STXBP5L: variants seen among roughly 807,000 people sequenced by gnomAD.
STXBP5L encodes syntaxin-binding protein 5-like.
STXBP5L carries 65 observed loss-of-function variants against 144.5 expected under a neutral mutation model. That is an observed-to-expected ratio of 0.45 (90% confidence interval 0.37 to 0.55). The LOEUF (loss-of-function observed/expected upper bound fraction) is 0.55, where lower values mean the gene tolerates loss of function less well. Among genes scored for constraint, STXBP5L ranks in the 20% least tolerant of loss-of-function variants. The probability of loss-of-function intolerance (pLI) is 0.00; values close to 1 mark genes in which losing one functional copy is unlikely to be tolerated. For synonymous variants in STXBP5L, 505 were observed against 469.6 expected (o/e 1.08, Z -0.97); for missense variants, 1,298 against 1,405.5 (o/e 0.92, Z 1.22).
intron 20 of STXBP5L, among the ~76,000 whole-genome samples, chr3:121,348,741 G>C (rs1218767425): frequency 1.3e-5 from 2 of 152,052 alleles, no homozygotes; most frequent in African/African-American, 4.8e-5. Flanking sequence ...TAGTTTATTT[G>C]CTTAGAGGTG....
At chr3:120,921,824 G>A (rs1709372405) in intron 2 of STXBP5L, among the ~76,000 whole-genome samples, 1 of 151,916 alleles carries the variant, frequency 6.6e-6, no homozygotes, top group South Asian at 2.1e-4. Context: ...ATTGGTCTAT[G>A]TATCTTTGTT....
intron 5 of STXBP5L, among the ~76,000 whole-genome samples, chr3:121,051,740 G>A (rs1194071447): frequency 2.0e-5 from 3 of 151,980 alleles, no homozygotes; most frequent in East Asian, 1.9e-4. Context: ...TAAAATCAGA[G>A]CAGAACTGAA....
At chr3:121,174,615 A>C (rs2046861221) in intron 9 of STXBP5L, among the ~76,000 whole-genome samples, 1 of 152,134 alleles carries the variant, frequency 6.6e-6, no homozygotes, top group Non-Finnish European at 1.5e-5. Flanking sequence ...AGCCAATAGA[A>C]AGATTTTGCA....
intron 5 of STXBP5L, among the ~76,000 whole-genome samples, chr3:121,056,950 T>C (rs1279786084): frequency 6.6e-6 from 1 of 150,510 alleles, no homozygotes; most frequent in Admixed American, 6.6e-5. Context: ...TATAATATAT[T>C]ATAAAGAGGG....
chr3:121,001,013 G>T (rs376162751), intron 3 of STXBP5L, among the ~76,000 whole-genome samples: 1 of 152,170 alleles, frequency 6.6e-6, no homozygotes, highest in African/African-American at 2.4e-5. Context: ...GGGGAAGGGG[G>T]TAAGTGTTTC....
chr3:121,210,461 T>C (rs1291946205), intron 10 of STXBP5L, among the ~76,000 whole-genome samples: 4 of 152,320 alleles, frequency 2.6e-5, no homozygotes, highest in Admixed American at 1.3e-4. Context: ...AGTTTTGGCT[T>C]TTGTTGCCAT....
intron 3 of STXBP5L, among the ~76,000 whole-genome samples, chr3:121,005,378 C>G (rs1416978936): frequency 6.6e-6 from 1 of 152,166 alleles, no homozygotes; most frequent in Non-Finnish European, 1.5e-5. Context: ...GTTTGTATTT[C>G]TGTGTGAACG....
chr3:121,378,997 T>TA, intron 21 of STXBP5L, 111 bp downstream of exon 21: 5 of 1,148,236 alleles, frequency 4.4e-6, no homozygotes, highest in Non-Finnish European at 6.0e-6. Flanking sequence ...AAAAAACTAC[T>TA]AATCAGTGAA....
intron 22 of STXBP5L, among the ~76,000 whole-genome samples, chr3:121,382,119 AGAGAT>A (rs961629401): frequency 6.6e-6 from 1 of 151,988 alleles, no homozygotes; most frequent in African/African-American, 2.4e-5. Flanking sequence ...TTTTTGAAGA[AGAGAT>A]AAGTATGATT....
At chr3:120,978,247 TTTA>T (rs1359420524) in intron 3 of STXBP5L, among the ~76,000 whole-genome samples, 4 of 152,200 alleles carry the variant, frequency 2.6e-5, no homozygotes, top group Non-Finnish European at 4.4e-5. Flanking sequence ...TTCGTTTCTT[TTTA>T]TTCTTTTTTC....
At chr3:120,966,693 C>G (rs1036388951) in intron 3 of STXBP5L, among the ~76,000 whole-genome samples, 11 of 152,242 alleles carry the variant, frequency 7.2e-5, no homozygotes, top group African/African-American at 1.9e-4. Context: ...AGAGTGGCAG[C>G]TGTCTATATG....
intron 20 of STXBP5L, among the ~76,000 whole-genome samples, chr3:121,377,906 A>T (rs1018478918): frequency 1.3e-5 from 2 of 152,234 alleles, no homozygotes; most frequent in Non-Finnish European, 2.9e-5. Context: ...AATAGCAAAG[A>T]CTTGGAACCA....
intron 3 of STXBP5L, among the ~76,000 whole-genome samples, chr3:120,980,278 T>G (rs1486598558): frequency 2.0e-5 from 3 of 152,154 alleles, no homozygotes; most frequent in African/African-American, 7.2e-5. Context: ...CTTTGTTGAT[T>G]TTTCTGCCTC....
intron 3 of STXBP5L, among the ~76,000 whole-genome samples, chr3:120,982,756 G>T (rs143496695): frequency 1.6e-4 from 24 of 152,180 alleles, no homozygotes; most frequent in Non-Finnish European, 2.9e-4. Flanking sequence ...AGCTGGTTGG[G>T]TTGGCCTGAC....
chr3:121,340,601 G>C (rs950847859), intron 20 of STXBP5L, among the ~76,000 whole-genome samples: 1 of 151,624 alleles, frequency 6.6e-6, no homozygotes, highest in Non-Finnish European at 1.5e-5. Context: ...CTGCCCTTGT[G>C]ATAGTTTGCT....
At chr3:121,368,369 C>G (rs2045929210) in intron 20 of STXBP5L, among the ~76,000 whole-genome samples, 1 of 151,890 alleles carries the variant, frequency 6.6e-6, no homozygotes, top group Admixed American at 6.6e-5. Context: ...ATATTTTGTT[C>G]ATACATCCTT....
At chr3:121,201,558 C>T (rs138714635) in intron 9 of STXBP5L, among the ~76,000 whole-genome samples, 2,589 of 151,914 alleles carry the variant, frequency 0.017, 38 homozygotes, top group Middle Eastern at 0.061. Context: ...ATAATTATGA[C>T]GCTAGCTGGT....
intron 9 of STXBP5L, among the ~76,000 whole-genome samples, chr3:121,175,229 G>A (rs1329085735): frequency 1.3e-5 from 2 of 152,082 alleles, no homozygotes; most frequent in Admixed American, 1.3e-4. Context: ...CTGGCAAATA[G>A]CCCATGCCCT....
At chr3:121,393,123 G>A (rs918974309) in intron 22 of STXBP5L, among the ~76,000 whole-genome samples, 3 of 150,686 alleles carry the variant, frequency 2.0e-5, no homozygotes, top group Admixed American at 6.6e-5. Flanking sequence ...TAGCCATTCT[G>A]ACTGGTATAA....
Sources: gnomAD v4.1 joint callset for allele counts (sites outside exome capture counted in the v4.1 genomes callset) on GRCh38, gnomAD v4.1.1 for gene constraint, MANE v1.5 for transcripts, NCBI Gene and HGNC (gene_info 2026-07-23, HGNC 2026-07-21) for gene names.